The following TASP1 variants were observed in gnomAD, a reference collection of about 807,000 sequenced individuals.
The protein encoded by TASP1 is taspase 1.
Under a neutral mutation model 56.6 loss-of-function variants are expected in TASP1, and 16 were observed. The observed-to-expected ratio is 0.28, with a 90% confidence interval of 0.19 to 0.43. TASP1 has a LOEUF of 0.43. Ranked by LOEUF, TASP1 falls within the 20% of genes least tolerant of loss-of-function variation. The pLI, the probability that TASP1 is intolerant of heterozygous loss-of-function variation, is 1.00. For synonymous variants in TASP1, 179 were observed against 184.2 expected, an observed-to-expected ratio of 0.97 and a Z score of 0.23; for missense variants, 393 against 511.6, an observed-to-expected ratio of 0.77 and a Z score of 2.24.
Position 13,464,987 on chromosome 20 carries a change from A to G in TASP1, c.985+18240T>C, listed in dbSNP as rs1462560254. 2.0e-5 allele frequency among the ~76,000 whole-genome samples: 3 copies of G among 151,802 alleles called. No homozygotes were observed. In the East Asian group the frequency reaches 5.8e-4, roughly 29 times the overall value. ...AGACCAGCCGGGGCAATATAGAGAG[A>G]TTCCATCTCTAAAAAATAAATAATA... On this transcript the variant is annotated intron_variant, in intron 11 of 13. Transcript: ENST00000337743.
chr20:13,449,491 T>TA (rs1184102644), intron 11 of TASP1, among the ~76,000 whole-genome samples: 1 of 152,158 alleles, frequency 6.6e-6, no homozygotes, highest in Non-Finnish European at 1.5e-5. Context: ...AATTCCTATG[T>TA]AAAATCAGTT....
chr20:13,569,511 G>A lies in TASP1; in HGVS notation c.564C>T (p.Thr188=), dbSNP rs1384707886. 6.2e-7 allele frequency: 1 copy of A among 1,611,286 alleles called. No homozygotes were observed. Among genetic ancestry groups the A allele is most frequent in the Non-Finnish European group, 8.5e-7 (1 of 1,178,976 alleles). ...TTTTTTTAAGTTTTTACTCACTTGT[G>A]GTCATGATGTTAGGAGGGCAAGAGG... ...GIPSCPPNIM[T]TRFSLAAFKR... Residue 188 remains threonine (T), a synonymous_variant, in exon 7 of 14, where the codon ACC becomes ACT. Transcript: ENST00000337743.
At position 13,528,486 on chromosome 20, in the gene TASP1, C is replaced by A. The variant is rs543819018; in HGVS notation, c.821G>T (p.Trp274Leu). 6.2e-7 allele frequency: 1 copy of A among 1,608,980 alleles called. No homozygotes were observed. Among genetic ancestry groups the A allele is most frequent in the Admixed American group, 1.7e-5 (1 of 59,828 alleles). Residue 274 changes from tryptophan to leucine, a missense_variant, in exon 10 of 14, where the codon TGG becomes TTG. Physicochemically the swap from Trp to Leu is moderately conservative, Grantham distance 61. Coordinates refer to ENST00000337743, the MANE Select transcript of TASP1 (RefSeq NM_017714.3). ...GQAALYGCGC[W>L]AENTGAHNPY... ...GTTATGAGCTCCAGTATTTTCAGCC[C>A]AGCAGCCACATCCATAAAGAGCAGC...
At chr20:13,287,360 A>G in the TASP1 span, among the ~76,000 whole-genome samples, 97,075 of 151,894 alleles carry the variant, frequency 0.64, 32,217 homozygotes, top group African/African-American at 0.83. Flanking sequence ...CACGAAAACA[A>G]CATGGGGAAA....
At chr20:13,293,162 TGCACTCCA>T in the TASP1 span, among the ~76,000 whole-genome samples, 2 of 146,898 alleles carry the variant, frequency 1.4e-5, no homozygotes, top group East Asian at 2.0e-4. Context: ...ATCGCGCCAC[TGCACTCCA>T]GCACTCCAGC....
chr20:13,233,323 C>T, the TASP1 span, among the ~76,000 whole-genome samples: 4 of 151,984 alleles, frequency 2.6e-5, no homozygotes, highest in Non-Finnish European at 5.9e-5. Flanking sequence ...CTGCCGGGCG[C>T]GGTGGCTCAT....
At chr20:13,513,417 GGAGA>G (rs1393471602) in intron 10 of TASP1, among the ~76,000 whole-genome samples, 3 of 151,806 alleles carry the variant, frequency 2.0e-5, no homozygotes, top group South Asian at 2.1e-4. Context: ...AGGGAGGGAG[GGAGA>G]GAGACAGAAG....
At chr20:13,637,750 G>A (rs2049361482) in intron 1 of TASP1, among the ~76,000 whole-genome samples, 1 of 152,184 alleles carries the variant, frequency 6.6e-6, no homozygotes, top group Non-Finnish European at 1.5e-5. Flanking sequence ...ATCTAATGGG[G>A]AGTGACTGTC....
chr20:13,377,059 C>G, the TASP1 span, among the ~76,000 whole-genome samples: 4 of 152,116 alleles, frequency 2.6e-5, no homozygotes, highest in Admixed American at 6.5e-5. Context: ...ATTTGAATAC[C>G]CTTTATTTCT....
chr20:13,340,765 G>C, the TASP1 span, among the ~76,000 whole-genome samples: 1 of 151,948 alleles, frequency 6.6e-6, no homozygotes, highest in African/African-American at 2.4e-5. Flanking sequence ...ATGTCTTTTT[G>C]CTTAAGCTGA....
At chr20:13,111,740 G>C in the TASP1 span, among the ~76,000 whole-genome samples, 4 of 152,188 alleles carry the variant, frequency 2.6e-5, no homozygotes, top group Non-Finnish European at 5.9e-5. Context: ...AGCTGAGAGA[G>C]AGCAGACTGG....
the TASP1 span, among the ~76,000 whole-genome samples, chr20:13,360,007 T>C: frequency 3.9e-5 from 6 of 152,258 alleles, no homozygotes; most frequent in African/African-American, 1.4e-4. Flanking sequence ...CACGGCCTTT[T>C]AAAGCCTATA....
At chr20:13,201,581 A>G in the TASP1 span, among the ~76,000 whole-genome samples, 1 of 52,654 alleles carries the variant, frequency 1.9e-5, no homozygotes, top group Non-Finnish European at 3.8e-5. Context: ...ATTAATGTGC[A>G]AAAAAAAAAA....
chr20:13,177,848 T>C, the TASP1 span, among the ~76,000 whole-genome samples: 40 of 152,288 alleles, frequency 2.6e-4, no homozygotes, highest in Non-Finnish European at 5.0e-4. Context: ...GACATTGGTC[T>C]GGGGAAAGAT....
chr20:13,299,529 A>C, the TASP1 span: 1 of 1,407,672 alleles, frequency 7.1e-7, no homozygotes, highest in Non-Finnish European at 9.6e-7. This position sits in a 1 kb window ranked among gnomAD's most constrained non-coding sequence, Gnocchi z 5.8. Context: ...TGACGTGCCG[A>C]CTGGCGCCGA....
At chr20:13,110,145 C>T in the TASP1 span, 2 of 1,613,570 alleles carry the variant, frequency 1.2e-6, no homozygotes, top group Non-Finnish European at 1.7e-6. Flanking sequence ...CTGAGAGATG[C>T]TGTCATCTAT....
chr20:13,130,107 C>G, the TASP1 span, among the ~76,000 whole-genome samples: 1 of 152,286 alleles, frequency 6.6e-6, no homozygotes, highest in African/African-American at 2.4e-5. Flanking sequence ...TTCTGCCTGA[C>G]ACATCTTTTG....
the TASP1 span, among the ~76,000 whole-genome samples, chr20:13,147,192 T>C: frequency 1.3e-5 from 2 of 152,034 alleles, no homozygotes. Flanking sequence ...CCTTGGAACA[T>C]GTGTATGTGA....
intron 1 of TASP1, among the ~76,000 whole-genome samples, chr20:13,633,575 T>C (rs1274173128): frequency 6.6e-6 from 1 of 152,174 alleles, no homozygotes; most frequent in African/African-American, 2.4e-5. Context: ...AAGGAAATCA[T>C]AGTATTTGGT....
Sources: allele counts gnomAD v4.1 joint callset (sites outside exome capture counted in the v4.1 genomes callset), GRCh38; gene constraint gnomAD v4.1.1; non-coding constraint Gnocchi (gnomAD v3.1); transcripts MANE v1.5; gene names NCBI Gene and HGNC (gene_info 2026-07-23, HGNC 2026-07-21).